SERHL2: variants seen among roughly 807,000 people sequenced by gnomAD.
SERHL2 encodes serine hydrolase like 2, also known as serine hydrolase-like protein 2.
In SERHL2, 29 loss-of-function variants were observed where a neutral mutation model predicts 25.5. That is an observed-to-expected ratio of 1.14 (90% confidence interval 0.85 to 1.55). The LOEUF is 1.55. SERHL2 is among the 40% of genes most tolerant of loss of function. The pLI, the probability that SERHL2 is intolerant of heterozygous loss-of-function variation, is 0.00. For missense variants in SERHL2, 240 were observed against 252.3 expected, an observed-to-expected ratio of 0.95 and a Z score of 0.33; for synonymous variants, 95 against 103.5, an observed-to-expected ratio of 0.92 and a Z score of 0.50.
Position 42,556,531 on chromosome 22 carries a change from C to T in SERHL2, c.366C>T (p.Pro122=), listed in dbSNP as rs149652431. The change falls in exon 6 of 12, where the codon CCC becomes CCT. Residue 122 remains proline, a synonymous_variant. Transcript: ENST00000327678. ...CCTCACAGTTTTTCTGTACCTTCCCCGAGATGGTGGATAAACTTATCTTGC... is the reference window on the plus strand; with the variant it reads ...CCTCACAGTTTTTCTGTACCTTCCCTGAGATGGTGGATAAACTTATCTTGC... The part of the protein sequence containing the change: ...VVGGMFFCTF[P]EMVDKLILLD... 1.6e-3 allele frequency: 2,571 copies of T among 1,610,980 alleles called. No homozygotes were observed. In the African/African-American group the frequency reaches 0.03, roughly 19 times the overall value.
Position 42,554,003 on chromosome 22 carries a change from A to G in SERHL2, c.-18A>G, listed in dbSNP as rs767394586. On this transcript the variant is annotated 5_prime_UTR_variant, in exon 1 of 12. Coordinates refer to ENST00000327678, the MANE Select transcript of SERHL2 (RefSeq NM_014509.5). ...AGGCGTGAGGGAGTGACAGCAGCGC[A>G]TTCGCGGGACGAGAGCGATGAGTGA... 2 of 1,613,526 alleles carry G rather than the reference A, an allele frequency of 1.2e-6. No homozygotes were observed. The highest frequency in any genetic ancestry group is 1.7e-6 in the Non-Finnish European group (2 of 1,179,728).
At chr22:42,570,895 G>A (rs535626920) in intron 9 of SERHL2, among the ~76,000 whole-genome samples, 196 of 152,088 alleles carry the variant, frequency 1.3e-3, no homozygotes, top group Admixed American at 5.4e-3. Flanking sequence ...GGGTAGCCAC[G>A]AGCCCAGGAA....
intron 8 of SERHL2, among the ~76,000 whole-genome samples, chr22:42,565,708 C>T (rs1923287134): frequency 6.6e-6 from 1 of 151,804 alleles, no homozygotes; most frequent in Admixed American, 6.6e-5. Context: ...CCCACTTCGG[C>T]CTCCCAAAGT....
chr22:42,567,588 C>T (rs12628680), intron 9 of SERHL2, among the ~76,000 whole-genome samples: 15,129 of 151,056 alleles, frequency 0.1, 1,538 homozygotes, highest in East Asian at 0.59. Context: ...GGCGTGAACC[C>T]GGGAAGCAGA....
intron 8 of SERHL2, 78 bp downstream of exon 8, chr22:42,560,343 C>A: frequency 9.2e-7 from 1 of 1,085,518 alleles, no homozygotes; most frequent in Non-Finnish European, 1.4e-6. Context: ...TGCCTTAGAC[C>A]AGGCAGGATA....
chr22:42,570,670 A>G (rs994234974), intron 9 of SERHL2, among the ~76,000 whole-genome samples: 19 of 152,134 alleles, frequency 1.2e-4, no homozygotes, highest in Non-Finnish European at 4.4e-5. Context: ...CCCATCCTGC[A>G]CTGTGGTCCC....
chr22:42,553,960 T>A lies in SERHL2; in HGVS notation c.-61T>A. 1.2e-6 allele frequency: 2 copies of A among 1,604,316 alleles called. No homozygotes were observed. The highest frequency in any genetic ancestry group is 1.7e-6 in the Non-Finnish European group (2 of 1,172,964). ...GGGCCCGGAATTGCGGGCGTCACTC[T>A]GCTCCTGCGACCTAGCCAGGCGTGA... On this transcript the variant is annotated 5_prime_UTR_variant, in exon 1 of 12. Transcript: ENST00000327678.
At chr22:42,561,677 A>G (rs900055107) in intron 8 of SERHL2, among the ~76,000 whole-genome samples, 1 of 151,808 alleles carries the variant, frequency 6.6e-6, no homozygotes, top group African/African-American at 2.4e-5. Context: ...TGAGGTGAGT[A>G]TTTTTAGTTG....
In SERHL2 at chr22:42,572,537, G is replaced by A. The variant is rs549923440; in HGVS notation, c.825+8G>A. 65 of 1,610,970 alleles carry A rather than the reference G, an allele frequency of 4.0e-5. 2 individuals carry two copies. In the Middle Eastern group the frequency reaches 5.0e-4, roughly 12 times the overall value. ...AAATCCACCCTCAAAGAGGTAAGAC[G>A]GGGCTCAGGCAGCTGGTGTCCAGCC... On this transcript the variant is annotated splice_region_variant and intron_variant, in intron 11 of 11. Coordinates refer to ENST00000327678, the MANE Select transcript of SERHL2 (RefSeq NM_014509.5).
rs13054167 is a variant in SERHL2, at chr22:42,560,407, T to A, written c.613+142T>A. On this transcript the variant is annotated intron_variant, in intron 8 of 11. Transcript: ENST00000327678. ...GAATCCCCCTCCTGCCTCACCCTCA[T>A]CCCATTTAGAGCAGGAGAAACCAAG... The A allele has an allele frequency of 8.3e-3, 5,540 of 665,206 alleles. 81 individuals are homozygous for A. Among genetic ancestry groups the A allele is most frequent in the Middle Eastern group, 0.041 (168 of 4,086 alleles). The allele number at this position is 665,206 out of a possible 1,614,324, so 41.2% of individuals were successfully genotyped here. A position where few individuals can be genotyped will look rare whatever the true frequency, so the allele number is the denominator to read the frequency against.
intron 9 of SERHL2, among the ~76,000 whole-genome samples, chr22:42,570,206 G>A (rs1000503916): frequency 5.9e-5 from 9 of 151,978 alleles, no homozygotes; most frequent in African/African-American, 1.9e-4. Context: ...CAGATCACCT[G>A]AGGTCAGGAG....
rs377301794 is a variant in SERHL2 at position 42,571,622 on chromosome 22, C to T, written c.731+419C>T. The T allele has an allele frequency of 3.7e-4, 101 of 276,626 alleles. 2 individuals are homozygous for T. In the East Asian group the frequency reaches 6.0e-3, roughly 16 times the overall value. The allele number at this position is 276,626 out of a possible 1,614,324, so 17.1% of individuals were successfully genotyped here. On this transcript the variant is annotated intron_variant, in intron 10 of 11. Transcript: ENST00000327678. ...TGTATTTTTAGTAGAGACGAGGTTTCGCCATGTTGGCCAGGCTGCTCTCCA... is the reference window on the plus strand; with the variant it reads ...TGTATTTTTAGTAGAGACGAGGTTTTGCCATGTTGGCCAGGCTGCTCTCCA...
chr22:42,572,947 G>A lies in SERHL2; in HGVS notation c.825+418G>A, dbSNP rs12158049. ...GGCCTCCCGAAGTGCTGGTTTTGTAGATGGGAGCCACCATACCCGGCCTAG... is the reference window on the plus strand; with the variant it reads ...GGCCTCCCGAAGTGCTGGTTTTGTAAATGGGAGCCACCATACCCGGCCTAG... On this transcript the variant is annotated intron_variant, in intron 11 of 11. Transcript: ENST00000327678. 1.9e-5 allele frequency: 3 copies of A among 155,402 alleles called. No individual in the cohort carries two copies. In the East Asian group the frequency reaches 5.8e-4, roughly 30 times the overall value. The allele number at this position is 155,402 out of a possible 1,614,324, so 9.6% of individuals were successfully genotyped here.
intron 8 of SERHL2, 21 bp from the exon 9 acceptor site, chr22:42,566,279 GCTGT>G (rs1382812143): frequency 1.2e-6 from 2 of 1,609,178 alleles, no homozygotes; most frequent in Non-Finnish European, 1.7e-6. Flanking sequence ...CATTGACGCT[GCTGT>G]CTTTGTGCTT....
intron 8 of SERHL2, among the ~76,000 whole-genome samples, chr22:42,562,365 C>T (rs1422541556): frequency 6.6e-6 from 1 of 151,914 alleles, no homozygotes; most frequent in African/African-American, 2.4e-5. Context: ...CATTCCCCCA[C>T]AGTTCCGGAG....
rs546641152 is a variant in SERHL2, at chr22:42,574,247, G to C, written c.*192G>C. On this transcript the variant is annotated 3_prime_UTR_variant, in exon 12 of 12. Transcript: ENST00000327678. ...TCTGTGACCTCAAGGGGGAGACAGA[G>C]TCTGGGTTCCAGGGCTGCTTTCTCC... The C allele has an allele frequency of 1.7e-6, 1 of 597,770 alleles. No individual in the cohort carries two copies. Among genetic ancestry groups the C allele is most frequent in the Non-Finnish European group, 2.9e-6 (1 of 339,294 alleles). The allele number at this position is 597,770 out of a possible 1,614,324, so 37.0% of individuals were successfully genotyped here. A position where few individuals can be genotyped will look rare whatever the true frequency, so the allele number is the denominator to read the frequency against.
At chr22:42,559,782 T>G (rs1922444176) in intron 7 of SERHL2, among the ~76,000 whole-genome samples, 1 of 151,834 alleles carries the variant, frequency 6.6e-6, no homozygotes, top group Admixed American at 6.6e-5. Context: ...GACCTCCCTT[T>G]TGCTGCCCTT....
At chr22:42,566,590 CATA>C (rs1158239307) in intron 9 of SERHL2, among the ~76,000 whole-genome samples, 1 of 151,464 alleles carries the variant, frequency 6.6e-6, no homozygotes, top group Non-Finnish European at 1.5e-5. Flanking sequence ...ATATAGCTAA[CATA>C]ATACTTAATG....
rs1924697004 is a variant in SERHL2, at chr22:42,574,312, G to T, written c.*257G>T. 1.9e-5 allele frequency: 10 copies of T among 538,864 alleles called. No individual in the cohort carries two copies. Among genetic ancestry groups the T allele is most frequent in the Non-Finnish European group, 2.3e-5 (7 of 304,054 alleles). The allele number at this position is 538,864 out of a possible 1,614,324, so 33.4% of individuals were successfully genotyped here. A position where few individuals can be genotyped will look rare whatever the true frequency, so the allele number is the denominator to read the frequency against. ...TATCCAGCCAGCTGGAGGAAGGAAG[G>T]GCAGGCTGGGCCCACCTAGCCTTTC... On this transcript the variant is annotated 3_prime_UTR_variant, in exon 12 of 12. Transcript: ENST00000327678.
Sources: gnomAD v4.1 joint callset for allele counts (sites outside exome capture counted in the v4.1 genomes callset) on GRCh38, gnomAD v4.1.1 for gene constraint, MANE v1.5 for transcripts, NCBI Gene and HGNC (gene_info 2026-07-23, HGNC 2026-07-21) for gene names.